KANSL2: variants seen among roughly 807,000 people sequenced by gnomAD.
The protein encoded by KANSL2 is KAT8 regulatory NSL complex subunit 2.
Under a neutral mutation model 55.6 loss-of-function variants are expected in KANSL2, and 34 were observed. The ratio of observed to expected loss-of-function variants is 0.61; its 90% confidence interval spans 0.46 to 0.81. The LOEUF (loss-of-function observed/expected upper bound fraction) is 0.81, where lower values mean the gene tolerates loss of function less well. KANSL2 is among the 40% of genes least tolerant of loss of function. The pLI is 0.00. For synonymous variants in KANSL2, 209 were observed against 214.3 expected (o/e 0.98, Z 0.22); for missense variants, 502 against 609.9 (o/e 0.82, Z 1.86).
chr12:48,656,486 G>A (rs533570492), intron 8 of KANSL2, among the ~76,000 whole-genome samples: 2 of 151,686 alleles, frequency 1.3e-5, no homozygotes, highest in South Asian at 4.2e-4. Flanking sequence ...TGTTAGCCAG[G>A]ATGGCCTTGA....
chr12:48,679,156 G>A lies in KANSL2; in HGVS notation c.431-6C>T, dbSNP rs1175104038. On this transcript the variant is annotated splice_region_variant and splice_polypyrimidine_tract_variant and intron_variant, in intron 3 of 9. Coordinates refer to ENST00000420613, the MANE Select transcript of KANSL2 (RefSeq NM_017822.4). ...ATCACTCCAGCTGTCTTCATCTGAG[G>A]CAAGGAAGGGAGAGCAGCCATTAAG... 6.3e-7 allele frequency: 1 copy of A among 1,599,448 alleles called. No homozygotes were observed. The highest frequency in any genetic ancestry group is 1.3e-5 in the African/African-American group (1 of 74,718).
At chr12:48,670,989 C>T (rs778130346) in intron 5 of KANSL2, among the ~76,000 whole-genome samples, 25 of 150,920 alleles carry the variant, frequency 1.7e-4, no homozygotes, top group Admixed American at 3.3e-4. Flanking sequence ...ATAGGCCAGG[C>T]GCAGTGGCTC....
In KANSL2 at chr12:48,672,484, TG is replaced by T. The variant is rs1372720406; in HGVS notation, c.546-523del. ...TCTTGTCACCCAGGATGGAGTGCAGTGGTGCAATCAATCACAGCTCACTATA... is the reference window on the plus strand; with the variant it reads ...TCTTGTCACCCAGGATGGAGTGCAGTGTGCAATCAATCACAGCTCACTATA... On this transcript the variant is annotated intron_variant, in intron 4 of 9. Coordinates refer to ENST00000420613, the MANE Select transcript of KANSL2 (RefSeq NM_017822.4). Among the ~76,000 whole-genome samples the T allele has an allele frequency of 4.1e-5, 6 of 147,426 alleles. No individual in the cohort carries two copies. The East Asian group carries it at 1.2e-3, about 29-fold the overall frequency.
At chr12:48,664,050 G>A (rs1939542088) in intron 7 of KANSL2, among the ~76,000 whole-genome samples, 2 of 151,418 alleles carry the variant, frequency 1.3e-5, no homozygotes, top group South Asian at 2.1e-4. Flanking sequence ...GAGTAGCTGG[G>A]ATTACGGGTG....
At chr12:48,664,333 A>G (rs1410117190) in intron 7 of KANSL2, among the ~76,000 whole-genome samples, 2 of 150,594 alleles carry the variant, frequency 1.3e-5, no homozygotes, top group Non-Finnish European at 3.0e-5. Flanking sequence ...GCTGGAGTGC[A>G]GTGGCGCAAA....
At chr12:48,663,565 A>G (rs1277232429) in intron 7 of KANSL2, among the ~76,000 whole-genome samples, 2 of 152,078 alleles carry the variant, frequency 1.3e-5, no homozygotes, top group African/African-American at 2.4e-5. Flanking sequence ...TTCCCCCTCC[A>G]CTTAACAAAA....
rs1939331213 is a variant in KANSL2, at chr12:48,654,127, T to C, written c.1396A>G (p.Asn466Asp). ...GDGCRSQGSR[N>D]SEKASAPLSQ... Reference sequence around the variant, plus strand: ...AATGGTGCAGAGGCTTTCTCAGAATTTCGAGATCCCTGGGATCTGCACCCA... The same window carrying C: ...AATGGTGCAGAGGCTTTCTCAGAATCTCGAGATCCCTGGGATCTGCACCCA... Residue 466 changes from asparagine to aspartate, a missense_variant, in exon 10 of 10, where the codon AAT (asparagine) becomes GAT (aspartate). By Grantham distance (23) the Asn-to-Asp change is conservative. Coordinates refer to ENST00000420613, the MANE Select transcript of KANSL2 (RefSeq NM_017822.4). The C allele has an allele frequency of 3.7e-6, 6 of 1,613,146 alleles. No individual in the cohort carries two copies. The South Asian group carries it at 6.6e-5, about 18-fold the overall frequency.
chr12:48,656,132 G>A (rs1430679002), intron 8 of KANSL2, among the ~76,000 whole-genome samples: 1 of 152,048 alleles, frequency 6.6e-6, no homozygotes, highest in Non-Finnish European at 1.5e-5. Context: ...CACAAAGCAA[G>A]CAAACAAGCT....
Position 48,682,127 on chromosome 12 carries a change from A to G in KANSL2, c.-10+60T>C, listed in dbSNP as rs1351323119. 8.5e-6 allele frequency: 6 copies of G among 702,872 alleles called. No homozygotes were observed. The South Asian group carries it at 8.9e-5, about 10-fold the overall frequency. The allele number at this position is 702,872 out of a possible 1,614,324, so 43.5% of individuals were successfully genotyped here. Reference sequence around the variant, plus strand: ...GCGGAGTAGCAGCTCTGAGCTGACAAAAAGAGCGAAATAGCAGCCCAACCG... The same window carrying G: ...GCGGAGTAGCAGCTCTGAGCTGACAGAAAGAGCGAAATAGCAGCCCAACCG... On this transcript the variant is annotated intron_variant, in intron 1 of 9. Transcript: ENST00000420613.
chr12:48,653,361 C>A lies in KANSL2; in HGVS notation c.*683G>T, dbSNP rs925572833. Reference sequence around the variant, plus strand: ...TCCCTTTCCCATCAGAGACAGGTCCCCAAAACCGCGAAAAAGAAACTATAT... The same window carrying A: ...TCCCTTTCCCATCAGAGACAGGTCCACAAAACCGCGAAAAAGAAACTATAT... On this transcript the variant is annotated 3_prime_UTR_variant, in exon 10 of 10. Coordinates refer to ENST00000420613, the MANE Select transcript of KANSL2 (RefSeq NM_017822.4). The A allele has an allele frequency of 1.3e-5, 2 of 152,532 alleles. No individual in the cohort carries two copies. The highest frequency in any genetic ancestry group is 4.8e-5 in the African/African-American group (2 of 41,426). 9.4% of individuals were successfully genotyped at this position (152,532 alleles called of 1,614,324 possible). A position where few individuals can be genotyped will look rare whatever the true frequency, so the allele number is the denominator to read the frequency against.
chr12:48,655,225 C>T (rs1939354529), intron 8 of KANSL2, among the ~76,000 whole-genome samples, 165 bp from the exon 9 acceptor site: 2 of 152,054 alleles, frequency 1.3e-5, no homozygotes, highest in African/African-American at 4.8e-5. Context: ...GAAACAAGAT[C>T]CAAAAGCACT....
intron 9 of KANSL2, 90 bp from the exon 10 acceptor site, chr12:48,654,265 G>T: frequency 7.9e-7 from 1 of 1,262,622 alleles, no homozygotes; most frequent in Non-Finnish European, 1.1e-6. Flanking sequence ...ACTTAAACTA[G>T]CAATAAGAAC....
intron 4 of KANSL2, among the ~76,000 whole-genome samples, chr12:48,672,433 A>ATTTTT (rs1555155470): frequency 2.1e-4 from 25 of 120,360 alleles, no homozygotes; most frequent in African/African-American, 8.7e-4. Flanking sequence ...ATATATATAT[A>ATTTTT]TTTTTTTTTT....
chr12:48,681,993 T>G, intron 1 of KANSL2, 194 bp downstream of exon 1: 1 of 702,988 alleles, frequency 1.4e-6, no homozygotes, highest in Non-Finnish European at 2.6e-6. Context: ...CGACTGGGCC[T>G]GGCCTCGGAA....
At chr12:48,681,307 C>T in intron 2 of KANSL2, 75 bp downstream of exon 2, 3 of 1,493,854 alleles carry the variant, frequency 2.0e-6, no homozygotes, top group Non-Finnish European at 2.7e-6. Flanking sequence ...AACGCGGCAG[C>T]TATGCTGAAG....
chr12:48,654,751 AG>A (rs1939345142), intron 9 of KANSL2, among the ~76,000 whole-genome samples, 189 bp downstream of exon 9: 1 of 152,238 alleles, frequency 6.6e-6, no homozygotes, highest in Non-Finnish European at 1.5e-5. Context: ...AAGGGTACAC[AG>A]GAGCAGAGTA....
chr12:48,653,963 G>A lies in KANSL2; in HGVS notation c.*81C>T. Reference sequence around the variant, plus strand: ...AAACAAGGTAGTCTGGGTTGCCTGTGTTTTGTGAGAGATGATCAGAAATAC... The same window carrying A: ...AAACAAGGTAGTCTGGGTTGCCTGTATTTTGTGAGAGATGATCAGAAATAC... On this transcript the variant is annotated 3_prime_UTR_variant, in exon 10 of 10. Coordinates refer to ENST00000420613, the MANE Select transcript of KANSL2 (RefSeq NM_017822.4). 5 of 1,412,036 alleles carry A rather than the reference G, an allele frequency of 3.5e-6. No individual in the cohort carries two copies. In the African/African-American group the frequency reaches 7.2e-5, roughly 20 times the overall value. The allele number at this position is 1,412,036 out of a possible 1,614,324, so 87.5% of individuals were successfully genotyped here.
chr12:48,665,564 A>G (rs932986814), intron 7 of KANSL2, among the ~76,000 whole-genome samples: 1 of 151,986 alleles, frequency 6.6e-6, no homozygotes, highest in African/African-American at 2.4e-5. Flanking sequence ...ATTCTGTCTC[A>G]AAAAAAACAA....
At chr12:48,676,011 A>G (rs925971366) in intron 4 of KANSL2, among the ~76,000 whole-genome samples, 3 of 152,242 alleles carry the variant, frequency 2.0e-5, no homozygotes, top group African/African-American at 7.2e-5. Flanking sequence ...TATAGAGGTC[A>G]TATGATACAA....
Sources: allele counts gnomAD v4.1 joint callset (sites outside exome capture counted in the v4.1 genomes callset), GRCh38; gene constraint gnomAD v4.1.1; transcripts MANE v1.5; gene names NCBI Gene and HGNC (gene_info 2026-07-23, HGNC 2026-07-21).